Variants in RCAN2 observed in about 807,000 individuals in gnomAD.
The protein encoded by RCAN2 is calcipressin-2.
A neutral mutation model predicts 23.6 loss-of-function variants in RCAN2; 9 were observed. That is an observed-to-expected ratio of 0.38 (90% CI 0.23 to 0.67). The LOEUF is 0.67. RCAN2 is among the 30% of genes least tolerant of loss of function. The pLI is 0.51. For synonymous variants in RCAN2, 109 were observed against 115.7 expected (o/e 0.94, Z 0.37); for missense variants, 273 against 302.3 (o/e 0.90, Z 0.72).
chr6:46,283,624 T>A (rs532696238), intron 2 of RCAN2, among the ~76,000 whole-genome samples: 2 of 152,172 alleles, frequency 1.3e-5, no homozygotes, highest in Non-Finnish European at 2.9e-5. Context: ...TCAAGATACT[T>A]TCTCTTTGTC....
intron 2 of RCAN2, among the ~76,000 whole-genome samples, chr6:46,277,452 G>A (rs1286771564): frequency 1.3e-5 from 2 of 152,178 alleles, no homozygotes; most frequent in Non-Finnish European, 2.9e-5. Context: ...GTACCCAGAA[G>A]AACTGTCCTG....
intron 2 of RCAN2, among the ~76,000 whole-genome samples, chr6:46,299,959 A>G (rs1762851861): frequency 1.3e-5 from 2 of 151,926 alleles, no homozygotes; most frequent in Admixed American, 6.6e-5. Context: ...TAATTATATT[A>G]CATTTTTATG....
At chr6:46,304,864 T>C (rs1459094106) in intron 2 of RCAN2, among the ~76,000 whole-genome samples, 1 of 152,130 alleles carries the variant, frequency 6.6e-6, no homozygotes, top group Non-Finnish European at 1.5e-5. Flanking sequence ...CACTAAGCAA[T>C]TGCACAATTT....
At chr6:46,409,554 A>C (rs1160976439) in intron 2 of RCAN2, among the ~76,000 whole-genome samples, 1 of 152,220 alleles carries the variant, frequency 6.6e-6, no homozygotes, top group Non-Finnish European at 1.5e-5. Flanking sequence ...TGCAACCATG[A>C]AAGTACTAGA....
chr6:46,248,509 G>A (rs947694676), intron 3 of RCAN2, among the ~76,000 whole-genome samples: 2 of 151,996 alleles, frequency 1.3e-5, no homozygotes, highest in Non-Finnish European at 2.9e-5. Context: ...CCCCAGTGAG[G>A]TTATGTAACT....
intron 2 of RCAN2, among the ~76,000 whole-genome samples, chr6:46,283,397 T>C (rs1398378316): frequency 4.6e-5 from 7 of 152,148 alleles, no homozygotes; most frequent in Non-Finnish European, 8.8e-5. Context: ...GGGCTGTGAT[T>C]GTACCACTAT....
chr6:46,230,580 C>T (rs142296442), intron 4 of RCAN2, among the ~76,000 whole-genome samples: 31 of 152,326 alleles, frequency 2.0e-4, no homozygotes, highest in South Asian at 1.0e-3. Flanking sequence ...CCAAGCCAGG[C>T]ACAGGATATA....
chr6:46,460,012 C>T (rs1219239664), intron 1 of RCAN2, among the ~76,000 whole-genome samples: 2 of 151,884 alleles, frequency 1.3e-5, no homozygotes, highest in Admixed American at 1.3e-4. Context: ...TATAAAGGTC[C>T]CACAGCTCAA....
At chr6:46,368,598 G>A (rs143643759) in intron 2 of RCAN2, among the ~76,000 whole-genome samples, 1 of 152,280 alleles carries the variant, frequency 6.6e-6, no homozygotes, top group East Asian at 1.9e-4. Context: ...TGTGTGGCAT[G>A]TTACTCTACT....
At chr6:46,383,168 A>AGTGT (rs71305761) in intron 2 of RCAN2, among the ~76,000 whole-genome samples, 48,526 of 139,148 alleles carry the variant, frequency 0.35, 9,747 homozygotes, top group East Asian at 0.47. Flanking sequence ...CAGCCTGGGT[A>AGTGT]GTGTGTGTGT....
chr6:46,318,393 TA>T (rs917092986), intron 2 of RCAN2, among the ~76,000 whole-genome samples: 1 of 151,828 alleles, frequency 6.6e-6, no homozygotes, highest in African/African-American at 2.4e-5. Flanking sequence ...TTTGAAACAT[TA>T]AAAAAAAGTA....
intron 2 of RCAN2, among the ~76,000 whole-genome samples, chr6:46,274,554 G>C (rs1227102938): frequency 6.6e-6 from 1 of 152,184 alleles, no homozygotes; most frequent in Non-Finnish European, 1.5e-5. Context: ...CCCCATCTTG[G>C]TCACAACCTT....
chr6:46,246,677 G>A, intron 4 of RCAN2, 71 bp downstream of exon 4: 2 of 1,319,272 alleles, frequency 1.5e-6, no homozygotes, highest in East Asian at 2.4e-5. Context: ...GGATCTCAAG[G>A]TTGTTAATCT....
chr6:46,476,848 G>A (rs753648889), intron 1 of RCAN2, among the ~76,000 whole-genome samples: 18 of 152,226 alleles, frequency 1.2e-4, no homozygotes, highest in South Asian at 1.0e-3. Flanking sequence ...GGCGCTGGTT[G>A]CCAGGGTGAG....
At chr6:46,274,422 G>A (rs1318586000) in intron 2 of RCAN2, among the ~76,000 whole-genome samples, 5 of 152,322 alleles carry the variant, frequency 3.3e-5, no homozygotes, top group African/African-American at 1.2e-4. Context: ...TGCAGAAACA[G>A]TTGTTCCATC....
intron 2 of RCAN2, among the ~76,000 whole-genome samples, chr6:46,382,237 C>G (rs1269145333): frequency 6.6e-6 from 1 of 152,146 alleles, no homozygotes; most frequent in Non-Finnish European, 1.5e-5. Flanking sequence ...ACTAATAGTT[C>G]TTTTCTCATA....
chr6:46,437,213 C>T (rs1224217715), intron 2 of RCAN2, among the ~76,000 whole-genome samples: 3 of 152,180 alleles, frequency 2.0e-5, no homozygotes, highest in African/African-American at 4.8e-5. Flanking sequence ...CATAATGTTC[C>T]ATTTCTGGGC....
chr6:46,255,243 CAG>C (rs978777551), intron 2 of RCAN2, among the ~76,000 whole-genome samples: 1 of 151,576 alleles, frequency 6.6e-6, no homozygotes, highest in Non-Finnish European at 1.5e-5. Context: ...GAGTACAAGA[CAG>C]GTGTGTGTGT....
chr6:46,421,531 C>G (rs922255986), intron 2 of RCAN2, among the ~76,000 whole-genome samples: 2 of 152,164 alleles, frequency 1.3e-5, no homozygotes, highest in East Asian at 1.9e-4. Context: ...TCAGAGTGAA[C>G]AGAGCAGAAG....
Sources: allele counts gnomAD v4.1 joint callset (sites outside exome capture counted in the v4.1 genomes callset), GRCh38; gene constraint gnomAD v4.1.1; transcripts MANE v1.5; gene names NCBI Gene and HGNC (gene_info 2026-07-23, HGNC 2026-07-21).